CDH10: variants seen among roughly 807,000 people sequenced by gnomAD.
CDH10 encodes cadherin 10.
Under a neutral mutation model 73.1 loss-of-function variants are expected in CDH10, and 30 were observed. The observed-to-expected ratio is 0.41, with a 90% confidence interval of 0.31 to 0.56. The LOEUF is 0.56. Among genes scored for constraint, CDH10 ranks in the 20% least tolerant of loss-of-function variants. The probability of loss-of-function intolerance (pLI) is 0.27; values close to 1 mark genes in which losing one functional copy is unlikely to be tolerated. For synonymous variants in CDH10, 345 were observed against 348.2 expected, an observed-to-expected ratio of 0.99 and a Z score of 0.10; for missense variants, 815 against 973.7, an observed-to-expected ratio of 0.84 and a Z score of 2.17.
At chr5:24,520,023 T>G (rs925056794) in intron 5 of CDH10, among the ~76,000 whole-genome samples, 8 of 152,198 alleles carry the variant, frequency 5.3e-5, no homozygotes, top group African/African-American at 1.7e-4. Flanking sequence ...CCTATTTCTG[T>G]GTCTTAATTG....
chr5:24,502,202 G>T (rs892112249), intron 8 of CDH10, among the ~76,000 whole-genome samples: 1 of 152,094 alleles, frequency 6.6e-6, no homozygotes, highest in South Asian at 2.1e-4. Context: ...GATTACAGGC[G>T]TGAGCCACCG....
chr5:24,546,641 T>C (rs904743889), intron 2 of CDH10, among the ~76,000 whole-genome samples: 3 of 152,156 alleles, frequency 2.0e-5, no homozygotes, highest in Admixed American at 6.6e-5. Context: ...AGCATGTACA[T>C]GGGTATACAT....
intron 5 of CDH10, among the ~76,000 whole-genome samples, chr5:24,516,081 G>A (rs1385247707): frequency 1.1e-4 from 17 of 152,102 alleles, no homozygotes; most frequent in Non-Finnish European, 2.1e-4. Context: ...CTAATACAAT[G>A]ACCCTGACAC....
At chr5:24,547,259 A>G (rs975397969) in intron 2 of CDH10, among the ~76,000 whole-genome samples, 5 of 152,224 alleles carry the variant, frequency 3.3e-5, no homozygotes, top group African/African-American at 9.6e-5. Context: ...CAGCAGGCCA[A>G]CGTTCCCACT....
intron 1 of CDH10, among the ~76,000 whole-genome samples, chr5:24,606,325 T>C (rs1746758516): frequency 2.0e-5 from 3 of 152,110 alleles, no homozygotes; most frequent in Admixed American, 2.0e-4. Flanking sequence ...AGATGACTAT[T>C]ACAGGCCTGG....
chr5:24,606,643 T>C (rs1054956970), intron 1 of CDH10, among the ~76,000 whole-genome samples: 1 of 152,020 alleles, frequency 6.6e-6, no homozygotes, highest in African/African-American at 2.4e-5. Flanking sequence ...AAAAAAAAGA[T>C]GGCTTTTATT....
At chr5:24,498,604 G>C (rs1209118139) in intron 8 of CDH10, 85 bp from the exon 9 acceptor site, 1 of 838,184 alleles carries the variant, frequency 1.2e-6, no homozygotes, top group Non-Finnish European at 2.0e-6. Context: ...TGGGTATGAA[G>C]TGCTCACATA....
intron 8 of CDH10, 133 bp from the exon 9 acceptor site, chr5:24,498,652 C>T (rs937284652): frequency 4.9e-6 from 3 of 607,766 alleles, no homozygotes; most frequent in Non-Finnish European, 8.9e-6. Flanking sequence ...ATATAATGAG[C>T]AAATGCAATA....
At chr5:24,514,707 A>C (rs570529263) in intron 5 of CDH10, among the ~76,000 whole-genome samples, 4 of 152,278 alleles carry the variant, frequency 2.6e-5, no homozygotes, top group African/African-American at 9.6e-5. Context: ...AAGTCTTATA[A>C]AATTTGATTT....
At chr5:24,610,488 A>G (rs777851712) in intron 1 of CDH10, among the ~76,000 whole-genome samples, 1 of 152,170 alleles carries the variant, frequency 6.6e-6, no homozygotes, top group Admixed American at 6.6e-5. Flanking sequence ...CATATTATAA[A>G]TATGAATGTT....
intron 2 of CDH10, among the ~76,000 whole-genome samples, chr5:24,581,122 T>G (rs945531957): frequency 2.6e-5 from 4 of 152,160 alleles, no homozygotes; most frequent in Non-Finnish European, 4.4e-5. Context: ...TTATTTAGTC[T>G]ACCACACCCT....
intron 2 of CDH10, among the ~76,000 whole-genome samples, chr5:24,577,048 T>C (rs1745633793): frequency 6.9e-6 from 1 of 144,116 alleles, no homozygotes; most frequent in Non-Finnish European, 1.5e-5. Flanking sequence ...TACAAAACAC[T>C]CTAGTACACC....
intron 5 of CDH10, among the ~76,000 whole-genome samples, chr5:24,530,751 T>C (rs1263542566): frequency 2.6e-5 from 4 of 152,010 alleles, no homozygotes; most frequent in Non-Finnish European, 5.9e-5. Context: ...GATATCAGGA[T>C]TTAGGTATTA....
chr5:24,550,174 A>G (rs1054129112), intron 2 of CDH10, among the ~76,000 whole-genome samples: 1 of 152,204 alleles, frequency 6.6e-6, no homozygotes, highest in Non-Finnish European at 1.5e-5. Context: ...AATAATACAT[A>G]GAAGAAAAGG....
chr5:24,531,304 T>C (rs1033374898), intron 5 of CDH10, among the ~76,000 whole-genome samples: 1 of 152,108 alleles, frequency 6.6e-6, no homozygotes, highest in African/African-American at 2.4e-5. Context: ...CTGATGCTTT[T>C]ACTTATGTAT....
chr5:24,618,258 T>C (rs1747190778), intron 1 of CDH10, among the ~76,000 whole-genome samples: 1 of 152,186 alleles, frequency 6.6e-6, no homozygotes, highest in African/African-American at 2.4e-5. Context: ...GAAACTGCAC[T>C]CTCATGAATA....
Position 24,495,610 on chromosome 5 carries a change from A to G in CDH10, c.1516-2685T>C, listed in dbSNP as rs1403561816. Among the ~76,000 whole-genome samples, 4 of 152,056 alleles carry G rather than the reference A, an allele frequency of 2.6e-5. No individual in the cohort carries two copies. The East Asian group carries it at 7.7e-4, about 29-fold the overall frequency. On this transcript the variant is annotated intron_variant, in intron 9 of 11. Transcript: ENST00000264463. ...ACGCCTGTAATCTCAGCATTTTGGG[A>G]GGTCAAGGTGGGCGGATCACAAGGT...
chr5:24,488,421 T>G (rs1400556553), intron 11 of CDH10, among the ~76,000 whole-genome samples: 1 of 152,156 alleles, frequency 6.6e-6, no homozygotes, highest in Non-Finnish European at 1.5e-5. Flanking sequence ...TACACTTTAT[T>G]TTCCTAGGAA....
intron 2 of CDH10, among the ~76,000 whole-genome samples, chr5:24,571,951 C>G (rs989661680): frequency 2.5e-4 from 37 of 147,882 alleles, no homozygotes; most frequent in African/African-American, 9.2e-4. Context: ...GTATGTTTTA[C>G]AAATGAAAAC....
Sources: allele counts gnomAD v4.1 joint callset (sites outside exome capture counted in the v4.1 genomes callset), GRCh38; gene constraint gnomAD v4.1.1; transcripts MANE v1.5; gene names NCBI Gene and HGNC (gene_info 2026-07-23, HGNC 2026-07-21).